Variants in TSC22D3 observed in about 807,000 individuals in gnomAD.
TSC22D3 encodes TSC22 domain family protein 3.
Under a neutral mutation model 11.1 loss-of-function variants are expected in TSC22D3, and 4 were observed. The ratio of observed to expected loss-of-function variants is 0.36; its 90% CI spans 0.18 to 0.83. The LOEUF (loss-of-function observed/expected upper bound fraction) is 0.83. Ranked by LOEUF, TSC22D3 falls within the 40% of genes least tolerant of loss-of-function variation. The pLI, the probability that TSC22D3 is intolerant of heterozygous loss-of-function variation, is 0.48. For missense variants in TSC22D3, 118 were observed against 159.4 expected, an observed-to-expected ratio of 0.74 and a Z score of 1.40; for synonymous variants, 77 against 70.3, an observed-to-expected ratio of 1.10 and a Z score of -0.48.
rs1204187005 is a variant in TSC22D3, at chrX:107,714,514, G to A, written c.*5C>T. 4.1e-6 allele frequency: 5 copies of A among 1,207,607 alleles called. No homozygotes were observed. In the Admixed American group the frequency reaches 8.7e-5, roughly 21 times the overall value. On this transcript the variant is annotated 3_prime_UTR_variant, in exon 3 of 3. Transcript: ENST00000372383. Reference sequence around the variant, plus strand: ...TGGCTCTGCCCACCCTGAGGACAGAGCCACTTACACCGCAGAACCACCAGG... The same window carrying A: ...TGGCTCTGCCCACCCTGAGGACAGAACCACTTACACCGCAGAACCACCAGG...
At chrX:107,730,001 G>A (rs1006298201) in intron 1 of TSC22D3, among the ~76,000 whole-genome samples, 1 of 112,581 alleles carries the variant, frequency 8.9e-6, no homozygotes, top group East Asian at 2.8e-4. Flanking sequence ...GTTAGGACTT[G>A]ACCTACCTCT....
intron 1 of TSC22D3, among the ~76,000 whole-genome samples, chrX:107,763,855 C>T (rs1433971479): frequency 8.9e-6 from 1 of 112,382 alleles, no homozygotes; most frequent in Non-Finnish European, 1.9e-5. Flanking sequence ...CTAGTTACCC[C>T]ATGAGCTTCA....
In TSC22D3 at chrX:107,714,654, T is replaced by C; in HGVS notation, c.468A>G (p.Leu156=). The change falls in exon 3 of 3, where the codon CTA becomes CTG. Residue 156 remains leucine, a synonymous_variant. Coordinates refer to ENST00000372383, the MANE Select transcript of TSC22D3 (RefSeq NM_198057.3). ...TCTTCAACAGGGTGTTCTCACGCTCTAGCTGGGAGTTCTTCTCCACCAGCT... is the reference window on the plus strand; with the variant it reads ...TCTTCAACAGGGTGTTCTCACGCTCCAGCTGGGAGTTCTTCTCCACCAGCT... ...IRELVEKNSQ[L]ERENTLLKTL... 2 of 1,211,728 alleles carry C rather than the reference T, an allele frequency of 1.7e-6. No individual in the cohort carries two copies. The highest frequency in any genetic ancestry group is 2.2e-6 in the Non-Finnish European group (2 of 895,390).
At chrX:107,769,350 A>G (rs1049433525) in intron 1 of TSC22D3, among the ~76,000 whole-genome samples, 3 of 112,828 alleles carry the variant, frequency 2.7e-5, no homozygotes, top group Admixed American at 9.4e-5. Flanking sequence ...TACAACATGG[A>G]TGAACTTTAA....
At chrX:107,755,463 G>A (rs760798032) in intron 1 of TSC22D3, among the ~76,000 whole-genome samples, 2 of 112,587 alleles carry the variant, frequency 1.8e-5, no homozygotes, top group South Asian at 7.3e-4. Flanking sequence ...AACCTTCATC[G>A]TCTTTCTGCT....
intron 1 of TSC22D3, among the ~76,000 whole-genome samples, chrX:107,727,499 TA>T (rs1303267177): frequency 1.8e-5 from 2 of 111,824 alleles, no homozygotes; most frequent in Admixed American, 9.4e-5. Flanking sequence ...TCATTTTATT[TA>T]TTTTTTTTTT....
chrX:107,729,483 G>GC (rs1196197892), intron 1 of TSC22D3, among the ~76,000 whole-genome samples: 1 of 112,282 alleles, frequency 8.9e-6, no homozygotes, highest in South Asian at 3.7e-4. Flanking sequence ...TGTGAACTAG[G>GC]CAGCCCTGGC....
intron 1 of TSC22D3, among the ~76,000 whole-genome samples, chrX:107,745,075 A>G (rs755113228): frequency 8.9e-6 from 1 of 112,447 alleles, no homozygotes; most frequent in South Asian, 3.7e-4. Context: ...CAGCAAAGAA[A>G]GAGCTATTCT....
intron 1 of TSC22D3, among the ~76,000 whole-genome samples, chrX:107,735,878 G>T (rs918139221): frequency 2.7e-5 from 3 of 111,449 alleles, no homozygotes; most frequent in African/African-American, 9.8e-5. Context: ...GTTGTGTTTT[G>T]TTTTTTTACA....
At chrX:107,725,777 ACT>A (rs765655283) in intron 1 of TSC22D3, among the ~76,000 whole-genome samples, 7 of 110,944 alleles carry the variant, frequency 6.3e-5, no homozygotes, top group African/African-American at 2.0e-4. Flanking sequence ...GTCAGTGGAA[ACT>A]CTCAGCCTGG....
intron 1 of TSC22D3, among the ~76,000 whole-genome samples, chrX:107,773,445 G>C (rs1929994862): frequency 8.9e-6 from 1 of 112,186 alleles, no homozygotes; most frequent in Non-Finnish European, 1.9e-5. Flanking sequence ...CTCCAACAGA[G>C]ACAGGCGGGA....
At chrX:107,719,220 C>T (rs1244662127) in intron 1 of TSC22D3, among the ~76,000 whole-genome samples, 1 of 111,850 alleles carries the variant, frequency 8.9e-6, no homozygotes, top group Non-Finnish European at 1.9e-5. Flanking sequence ...GAGGGACTCC[C>T]TTATGTGGAG....
At chrX:107,731,127 G>A (rs757501112) in intron 1 of TSC22D3, among the ~76,000 whole-genome samples, 2 of 112,534 alleles carry the variant, frequency 1.8e-5, no homozygotes, top group South Asian at 7.2e-4. Context: ...TTAGTCATAC[G>A]TGGGGGATGG....
At chrX:107,746,860 G>A (rs1368805820) in intron 1 of TSC22D3, among the ~76,000 whole-genome samples, 3 of 112,150 alleles carry the variant, frequency 2.7e-5, no homozygotes, top group African/African-American at 9.7e-5. Flanking sequence ...AGGAGTGACT[G>A]GACAGCTAGG....
chrX:107,759,355 C>T (rs1378759819), intron 1 of TSC22D3, among the ~76,000 whole-genome samples: 4 of 111,614 alleles, frequency 3.6e-5, no homozygotes, highest in Non-Finnish European at 5.7e-5. Flanking sequence ...TCCATGCATC[C>T]CATTCTCACA....
At chrX:107,749,955 T>C (rs1218876954) in intron 1 of TSC22D3, among the ~76,000 whole-genome samples, 1 of 112,050 alleles carries the variant, frequency 8.9e-6, no homozygotes, top group African/African-American at 3.2e-5. Context: ...AGAATGGGGT[T>C]GCAGCTTTAG....
intron 1 of TSC22D3, among the ~76,000 whole-genome samples, chrX:107,743,268 C>T (rs1928507877): frequency 1.8e-5 from 2 of 112,032 alleles, no homozygotes; most frequent in South Asian, 7.5e-4. Flanking sequence ...AAACAACCCC[C>T]CATACCCCCA....
At chrX:107,753,006 T>C (rs1271091633) in intron 1 of TSC22D3, among the ~76,000 whole-genome samples, 1 of 112,121 alleles carries the variant, frequency 8.9e-6, no homozygotes, top group Admixed American at 9.4e-5. Context: ...CCACTCAGGT[T>C]GCCACTAGCT....
chrX:107,744,439 C>T (rs1164957667), intron 1 of TSC22D3, among the ~76,000 whole-genome samples: 1 of 110,506 alleles, frequency 9.0e-6, no homozygotes. Context: ...CGAGACCATG[C>T]CACTGCACTC....
Sources: gnomAD v4.1 joint callset for allele counts (sites outside exome capture counted in the v4.1 genomes callset) on GRCh38, gnomAD v4.1.1 for gene constraint, MANE v1.5 for transcripts, NCBI Gene and HGNC (gene_info 2026-07-23, HGNC 2026-07-21) for gene names.